The following NRCAM variants were observed in gnomAD, a reference collection of about 807,000 sequenced individuals.
NRCAM encodes neuronal cell adhesion molecule.
A neutral mutation model predicts 156.5 loss-of-function variants in NRCAM; 83 were observed. That is an observed-to-expected ratio of 0.53 (90% CI 0.44 to 0.64). The LOEUF (loss-of-function observed/expected upper bound fraction) is 0.64. NRCAM is among the 30% of genes least tolerant of loss of function. The pLI, the probability that NRCAM is intolerant of heterozygous loss-of-function variation, is 0.00. For missense variants in NRCAM, 1,417 were observed against 1,597.3 expected (o/e 0.89, Z 1.92); for synonymous variants, 538 against 563.9 (o/e 0.95, Z 0.65).
chr7:108,275,944 C>T (rs1174271853), intron 3 of NRCAM, among the ~76,000 whole-genome samples: 1 of 152,084 alleles, frequency 6.6e-6, no homozygotes, highest in Non-Finnish European at 1.5e-5. Flanking sequence ...TCTTTGTTCT[C>T]GTTGGTTTCA....
chr7:108,185,239 G>A (rs1021281389), intron 20 of NRCAM, among the ~76,000 whole-genome samples: 2 of 152,084 alleles, frequency 1.3e-5, no homozygotes, highest in African/African-American at 2.4e-5. Flanking sequence ...TATTTAAGGC[G>A]CATACTAAAT....
chr7:108,387,249 T>C (rs1246925093), intron 2 of NRCAM, among the ~76,000 whole-genome samples: 1 of 152,126 alleles, frequency 6.6e-6, no homozygotes, highest in Non-Finnish European at 1.5e-5. Flanking sequence ...TTTCTCCACA[T>C]ACCTTATTAA....
At chr7:108,364,575 T>C (rs1187020408) in intron 2 of NRCAM, among the ~76,000 whole-genome samples, 1 of 152,186 alleles carries the variant, frequency 6.6e-6, no homozygotes, top group African/African-American at 2.4e-5. Flanking sequence ...AGTAGTATTA[T>C]TTATCATAGA....
chr7:108,385,143 A>G (rs985882549), intron 2 of NRCAM, among the ~76,000 whole-genome samples: 3 of 152,218 alleles, frequency 2.0e-5, no homozygotes, highest in South Asian at 2.1e-4. Context: ...AATAGATCAC[A>G]TTTATTTCCA....
chr7:108,212,151 A>G (rs2084914272), intron 11 of NRCAM, among the ~76,000 whole-genome samples: 1 of 152,222 alleles, frequency 6.6e-6, no homozygotes, highest in Admixed American at 6.5e-5. Flanking sequence ...GATAACAATC[A>G]CTGCAGCTTG....
At chr7:108,429,915 C>A (rs1169870115) in intron 1 of NRCAM, among the ~76,000 whole-genome samples, 4 of 152,118 alleles carry the variant, frequency 2.6e-5, no homozygotes, top group Non-Finnish European at 4.4e-5. Flanking sequence ...CAGCTTAGAT[C>A]TCATTAAAAG....
intron 11 of NRCAM, among the ~76,000 whole-genome samples, chr7:108,221,139 G>A (rs774765828): frequency 2.6e-5 from 4 of 151,944 alleles, no homozygotes; most frequent in Admixed American, 6.6e-5. Flanking sequence ...AATCAAAACC[G>A]CAATGCAATA....
At chr7:108,292,897 C>T (rs2098344077) in intron 3 of NRCAM, among the ~76,000 whole-genome samples, 1 of 152,156 alleles carries the variant, frequency 6.6e-6, no homozygotes, top group Admixed American at 6.5e-5. Flanking sequence ...AAATCTCCTA[C>T]ACTGGTTGAG....
chr7:108,268,521 A>G (rs958300467), intron 3 of NRCAM, among the ~76,000 whole-genome samples: 1 of 151,068 alleles, frequency 6.6e-6, no homozygotes, highest in Non-Finnish European at 1.5e-5. Flanking sequence ...AAAGTATTCC[A>G]TGCTTCTGAA....
At position 108,319,903 on chromosome 7, in the gene NRCAM, G is replaced by C. The variant is rs537645586; in HGVS notation, c.-173-7172C>G. On this transcript the variant is annotated intron_variant, in intron 2 of 32. Coordinates refer to ENST00000379028, the MANE Select transcript of NRCAM (RefSeq NM_001037132.4). ...TAGTTCTTTCAGCCTTTTATCCTAA[G>C]GGCAATGGGAAGCCACTGATGTATT... 2.6e-5 allele frequency among the ~76,000 whole-genome samples: 4 copies of C among 152,304 alleles called. No individual in the cohort carries two copies. The South Asian group carries it at 8.3e-4, about 32-fold the overall frequency.
At chr7:108,429,607 G>A (rs941635533) in intron 1 of NRCAM, among the ~76,000 whole-genome samples, 1 of 152,198 alleles carries the variant, frequency 6.6e-6, no homozygotes, top group Non-Finnish European at 1.5e-5. Context: ...GTGTTTCAGG[G>A]TGCCCATGAT....
At chr7:108,402,953 G>A (rs1028917061) in intron 1 of NRCAM, among the ~76,000 whole-genome samples, 1 of 130,888 alleles carries the variant, frequency 7.6e-6, no homozygotes, top group South Asian at 2.1e-4. Flanking sequence ...AAGACCATAC[G>A]AGAGAGCATG....
chr7:108,177,734 T>TGA (rs200419547), intron 26 of NRCAM, among the ~76,000 whole-genome samples: 6 of 20,092 alleles, frequency 3.0e-4, no homozygotes, highest in Admixed American at 9.7e-4. Flanking sequence ...TATATATATA[T>TGA]GATACAAAAT....
intron 1 of NRCAM, among the ~76,000 whole-genome samples, chr7:108,455,310 G>C (rs1855617007): frequency 6.6e-6 from 1 of 152,130 alleles, no homozygotes; most frequent in African/African-American, 2.4e-5. Flanking sequence ...GAGGGGGCCG[G>C]GGGCGGCGCT....
At chr7:108,429,018 C>G (rs1821245202) in intron 1 of NRCAM, among the ~76,000 whole-genome samples, 1 of 151,898 alleles carries the variant, frequency 6.6e-6, no homozygotes. Context: ...AGAGGAAACT[C>G]AGTAATCCCG....
chr7:108,189,855 G>C (rs2069958269), intron 19 of NRCAM, 109 bp from the exon 20 acceptor site: 1 of 584,688 alleles, frequency 1.7e-6, no homozygotes, highest in Non-Finnish European at 3.0e-6. Context: ...CAGCACACTT[G>C]ATAGTCAATG....
chr7:108,259,074 G>A (rs2096792024), intron 3 of NRCAM, among the ~76,000 whole-genome samples: 1 of 152,206 alleles, frequency 6.6e-6, no homozygotes, highest in South Asian at 2.1e-4. Flanking sequence ...TGGCTACTGT[G>A]TTGGGACAAC....
intron 1 of NRCAM, among the ~76,000 whole-genome samples, chr7:108,455,117 C>T (rs906883910): frequency 1.3e-5 from 2 of 152,140 alleles, no homozygotes; most frequent in African/African-American, 4.8e-5. Context: ...CCCCGGGGCC[C>T]GGGGAGCCCT....
chr7:108,392,509 G>A (rs2154378393), intron 2 of NRCAM, among the ~76,000 whole-genome samples: 1 of 152,258 alleles, frequency 6.6e-6, no homozygotes, highest in South Asian at 2.1e-4. Flanking sequence ...TCTTTGCGAT[G>A]GGTTTGAACA....
Sources: allele counts gnomAD v4.1 joint callset (sites outside exome capture counted in the v4.1 genomes callset), GRCh38; gene constraint gnomAD v4.1.1; transcripts MANE v1.5; gene names NCBI Gene and HGNC (gene_info 2026-07-23, HGNC 2026-07-21).